Variants in MRAP observed in about 807,000 individuals in gnomAD.
MRAP encodes melanocortin 2 receptor accessory protein.
Under a neutral mutation model 8.7 loss-of-function variants are expected in MRAP, and 8 were observed. The ratio of observed to expected loss-of-function variants is 0.92; its 90% CI spans 0.54 to 1.66. The LOEUF (loss-of-function observed/expected upper bound fraction) is 1.66. Among genes scored for constraint, MRAP ranks in the 40% most tolerant of loss-of-function variants. The pLI is 0.00. For missense variants in MRAP, 237 were observed against 217.1 expected, an observed-to-expected ratio of 1.09 and a Z score of -0.58; for synonymous variants, 95 against 95.5, an observed-to-expected ratio of 1.00 and a Z score of 0.03.
intron 1 of MRAP, among the ~76,000 whole-genome samples, chr21:32,301,108 CAT>C (rs1211688959): frequency 6.7e-6 from 1 of 148,384 alleles, no homozygotes; most frequent in South Asian, 2.1e-4. Context: ...TATCATATAT[CAT>C]ATGATATATG....
At chr21:32,291,939 T>A (rs2032056986) in intron 1 of MRAP, 1 of 151,192 alleles carries the variant, frequency 6.6e-6, no homozygotes, top group African/African-American at 2.4e-5. Flanking sequence ...AGAGAGAGAG[T>A]AAGAATAGGA....
At chr21:32,303,495 C>T (rs928044158) in intron 1 of MRAP, among the ~76,000 whole-genome samples, 4 of 152,336 alleles carry the variant, frequency 2.6e-5, no homozygotes, top group African/African-American at 4.8e-5. Context: ...CCTGTCACTC[C>T]GCTGCTGAGG....
chr21:32,306,417 C>G, intron 1 of MRAP: 1 of 597,450 alleles, frequency 1.7e-6, no homozygotes, highest in Non-Finnish European at 3.1e-6. Context: ...CTAAACAGAC[C>G]CCGTGGCCAG....
At chr21:32,295,488 C>T (rs993129269), upstream of MRAP, among the ~76,000 whole-genome samples, 20 of 152,136 alleles carry the variant, frequency 1.3e-4, no homozygotes, top group Non-Finnish European at 2.9e-4. Flanking sequence ...TTCTTGGCGC[C>T]GCCTGTGACC....
At chr21:32,292,281 G>A (rs2032062936) in intron 1 of MRAP, among the ~76,000 whole-genome samples, 1 of 152,158 alleles carries the variant, frequency 6.6e-6, no homozygotes, top group Admixed American at 6.5e-5. Flanking sequence ...ATTGGCCTTG[G>A]CCATGATTTG....
rs1227469955 is a variant in MRAP, at chr21:32,312,160, G to C, written c.*164G>C. ...TCCTATGCCTTTGACAAAGATTGCA[G>C]TGGCCCCTCGAGTGCAGAGGTCATC... is the stretch of plus-strand genomic sequence containing the variant. On this transcript the variant is annotated 3_prime_UTR_variant, in exon 3 of 3. Transcript: ENST00000303645. 6.6e-7 allele frequency: 1 copy of C among 1,522,572 alleles called. No homozygotes were observed. Among genetic ancestry groups the C allele is most frequent in the Non-Finnish European group, 8.8e-7 (1 of 1,139,486 alleles). The allele number at this position is 1,522,572 out of a possible 1,614,324, so 94.3% of individuals were successfully genotyped here.
At position 32,307,855 on chromosome 21, in the gene MRAP, T is replaced by C. The variant is rs558454448; in HGVS notation, c.206+1116T>C. ...CGCCACTGCACTCTAGCCTGGGTGA[T>C]AGAACAAGACCCTGTCTCAACAAAC... is the stretch of plus-strand genomic sequence containing the variant. On this transcript the variant is annotated intron_variant, in intron 2 of 2. Transcript: ENST00000303645. 5.6e-4 allele frequency among the ~76,000 whole-genome samples: 85 copies of C among 151,622 alleles called. 1 individual carries two copies. Among genetic ancestry groups the C allele is most frequent in the African/African-American group, 1.7e-3 (70 of 41,326 alleles).
chr21:32,298,591 T>C (rs1352283105), upstream of MRAP, among the ~76,000 whole-genome samples: 2 of 152,184 alleles, frequency 1.3e-5, no homozygotes, highest in African/African-American at 4.8e-5. Flanking sequence ...AAAAAGCGAT[T>C]GTCTTTCCAG....
upstream of MRAP, among the ~76,000 whole-genome samples, chr21:32,295,704 G>T (rs888708861): frequency 4.3e-4 from 66 of 152,236 alleles, no homozygotes; most frequent in African/African-American, 1.5e-3. Flanking sequence ...GGCCAGGAGT[G>T]GTGGTTCATG....
chr21:32,294,701 TAATTTATC>T (rs1389142235), upstream of MRAP, among the ~76,000 whole-genome samples: 7 of 152,206 alleles, frequency 4.6e-5, no homozygotes, highest in South Asian at 1.0e-3. Context: ...CAGCTGAATG[TAATTTATC>T]AATATGTCCA....
chr21:32,300,625 T>C (rs1179881718), intron 1 of MRAP, among the ~76,000 whole-genome samples: 9 of 59,852 alleles, frequency 1.5e-4, no homozygotes, highest in African/African-American at 4.5e-4. Context: ...GCGTCGTATG[T>C]CAGATGCGTC....
chr21:32,292,068 G>C (rs148963449), intron 1 of MRAP, among the ~76,000 whole-genome samples: 1 of 151,864 alleles, frequency 6.6e-6, no homozygotes, highest in East Asian at 1.9e-4. Context: ...AAAATTATGA[G>C]ACAAATAAGG....
intron 1 of MRAP, among the ~76,000 whole-genome samples, chr21:32,306,124 C>T (rs1169451640): frequency 6.6e-6 from 1 of 152,204 alleles, no homozygotes; most frequent in Non-Finnish European, 1.5e-5. Context: ...TCCCGTAGAG[C>T]AGAAAGGGCC....
At chr21:32,303,936 T>C (rs912167969) in intron 1 of MRAP, among the ~76,000 whole-genome samples, 5 of 152,206 alleles carry the variant, frequency 3.3e-5, no homozygotes, top group African/African-American at 9.6e-5. Context: ...ACTCCACTTA[T>C]ATGAAGACAC....
At chr21:32,296,409 T>A (rs1474024289), upstream of MRAP, among the ~76,000 whole-genome samples, 1 of 152,180 alleles carries the variant, frequency 6.6e-6, no homozygotes, top group Non-Finnish European at 1.5e-5. Flanking sequence ...CATCTGGAAG[T>A]ACACAGGTGG....
chr21:32,314,510 T>C (rs370615499), downstream of MRAP: 2 of 1,574,162 alleles, frequency 1.3e-6, no homozygotes, highest in East Asian at 2.2e-5. Context: ...ACATCTCTCT[T>C]CGTTTTCATA....
chr21:32,301,015 G>A (rs138302404), intron 1 of MRAP, among the ~76,000 whole-genome samples: 3,107 of 148,624 alleles, frequency 0.021, 44 homozygotes, highest in Middle Eastern at 0.035. Flanking sequence ...ATGATATATC[G>A]CATATGTATC....
chr21:32,310,416 G>C (rs2032531256), intron 2 of MRAP, among the ~76,000 whole-genome samples: 1 of 152,124 alleles, frequency 6.6e-6, no homozygotes, highest in African/African-American at 2.4e-5. Flanking sequence ...CTGCCCAGTG[G>C]GTTCATCACT....
At position 32,306,756 on chromosome 21, in the gene MRAP, G is replaced by A; in HGVS notation, c.206+17G>A. 1.2e-6 allele frequency: 2 copies of A among 1,601,114 alleles called. No homozygotes were observed. Among genetic ancestry groups the A allele is most frequent in the Non-Finnish European group, 1.7e-6 (2 of 1,168,224 alleles). ...GCAGATGAGGTGGGTAAGAAGGGGT[G>A]TGAGTCTGTGGGTCACTCAGACGCT... On this transcript the variant is annotated intron_variant, in intron 2 of 2. Coordinates refer to ENST00000303645, the MANE Select transcript of MRAP (RefSeq NM_001379228.1).
Sources: allele counts gnomAD v4.1 joint callset (sites outside exome capture counted in the v4.1 genomes callset), GRCh38; gene constraint gnomAD v4.1.1; transcripts MANE v1.5; gene names NCBI Gene and HGNC (gene_info 2026-07-23, HGNC 2026-07-21).